Variants in PDZD2 observed in about 807,000 individuals in gnomAD.
PDZD2 encodes the protein PDZ domain containing 2, also known as PDZ domain-containing protein 2.
Under a neutral mutation model 220.7 loss-of-function variants are expected in PDZD2, and 90 were observed. The ratio of observed to expected loss-of-function variants is 0.41; its 90% CI spans 0.34 to 0.49. The LOEUF (loss-of-function observed/expected upper bound fraction) is 0.49, where lower values mean the gene tolerates loss of function less well. Ranked by LOEUF, PDZD2 falls within the 20% of genes least tolerant of loss-of-function variation. The probability of loss-of-function intolerance (pLI) is 0.28; values close to 1 mark genes in which losing one functional copy is unlikely to be tolerated. For missense variants in PDZD2, 3,174 were observed against 3,608.5 expected, an observed-to-expected ratio of 0.88 and a Z score of 3.08; for synonymous variants, 1,375 against 1,450.5, an observed-to-expected ratio of 0.95 and a Z score of 1.18.
At chr5:32,040,938 C>T (rs1209040353) in intron 7 of PDZD2, among the ~76,000 whole-genome samples, 1 of 141,456 alleles carries the variant, frequency 7.1e-6, no homozygotes, top group East Asian at 2.2e-4. Context: ...CGGCTGCCAC[C>T]CCATCTGGGA....
At chr5:32,086,811 G>T (rs1326094707) in intron 19 of PDZD2, among the ~76,000 whole-genome samples, 3 of 141,402 alleles carry the variant, frequency 2.1e-5, no homozygotes, top group Admixed American at 2.1e-4. Context: ...CAAGTAGCTG[G>T]GATTACAGGT....
chr5:32,088,536 C>T lies in PDZD2; in HGVS notation c.5088C>T (p.Thr1696=). Residue 1696 remains threonine, a synonymous_variant, in exon 20 of 25, where the codon ACC becomes ACT. Coordinates refer to ENST00000438447, the MANE Select transcript of PDZD2 (RefSeq NM_178140.4). The surrounding 1 kb of genome is among the most constrained non-coding windows in gnomAD (Gnocchi z 4.6). The stretch of plus-strand genomic sequence containing the variant: ...ACAGGCCCTCGTGTGCAGAAGAAAC[C>T]ACAGAAGTCACCAGCGCTAGCTCAG... ...QNHRPSCAEE[T]TEVTSASSAM... 1 of 1,614,048 alleles carries T rather than the reference C, an allele frequency of 6.2e-7. No individual in the cohort carries two copies. Among genetic ancestry groups the T allele is most frequent in the Non-Finnish European group, 8.5e-7 (1 of 1,179,932 alleles).
At chr5:31,896,989 C>G (rs1359793460) in intron 2 of PDZD2, among the ~76,000 whole-genome samples, 1 of 152,010 alleles carries the variant, frequency 6.6e-6, no homozygotes, top group African/African-American at 2.4e-5. Flanking sequence ...TATAGCAATA[C>G]TTTACAGCTG....
intron 2 of PDZD2, among the ~76,000 whole-genome samples, chr5:31,854,368 A>G (rs1200614884): frequency 6.6e-6 from 1 of 152,180 alleles, no homozygotes; most frequent in East Asian, 1.9e-4. Flanking sequence ...GGGAGAAGGT[A>G]TAAAGGAAAT....
intron 2 of PDZD2, among the ~76,000 whole-genome samples, chr5:31,869,215 C>G (rs1738514493): frequency 1.3e-5 from 2 of 152,184 alleles, no homozygotes; most frequent in Non-Finnish European, 2.9e-5. Context: ...TGGTGAGAGG[C>G]TGGACTTGGT....
chr5:31,755,862 G>A lies in PDZD2; in HGVS notation c.-360-43027G>A, dbSNP rs151076288. Among the ~76,000 whole-genome samples, 6 of 152,218 alleles carry A rather than the reference G, an allele frequency of 3.9e-5. No individual in the cohort carries two copies. In the East Asian group the frequency reaches 1.2e-3, roughly 29 times the overall value. The stretch of plus-strand genomic sequence containing the variant: ...GAGAGAGGAGGAGCGGGGCCAAGCA[G>A]CGGAGTAAAAGGCTATGTATTTACT... On this transcript the variant is annotated intron_variant, in intron 1 of 24. Transcript: ENST00000438447.
At chr5:31,672,955 T>C (rs184260049) in intron 1 of PDZD2, among the ~76,000 whole-genome samples, 25 of 152,358 alleles carry the variant, frequency 1.6e-4, no homozygotes, top group Admixed American at 1.4e-3. Context: ...CCCATTGTTA[T>C]TTTTAGCCAT....
intron 14 of PDZD2, among the ~76,000 whole-genome samples, chr5:32,066,215 C>T (rs1178962784): frequency 5.3e-5 from 8 of 151,360 alleles, no homozygotes; most frequent in South Asian, 2.1e-4. Context: ...TGTGGTGGTA[C>T]ATGCCTATAA....
chr5:32,068,265 C>T (rs893486157), intron 14 of PDZD2, among the ~76,000 whole-genome samples: 2 of 152,100 alleles, frequency 1.3e-5, no homozygotes, highest in African/African-American at 2.4e-5. Flanking sequence ...AAGGAAGATT[C>T]GGGAGCTGTT....
At chr5:31,912,036 CT>C (rs1743251966) in intron 2 of PDZD2, among the ~76,000 whole-genome samples, 1 of 152,212 alleles carries the variant, frequency 6.6e-6, no homozygotes, top group South Asian at 2.1e-4. Flanking sequence ...TTAATCCACC[CT>C]GGCCCCGGCC....
Position 31,816,149 on chromosome 5 carries a change from A to G in PDZD2, c.476+16425A>G, listed in dbSNP as rs1458968028. ...TAAAAATACAAAAAATTAGCTGGGCATGGTGGCAGGCGCCTGTAGTCCCAG... is the reference window on the plus strand; with the variant it reads ...TAAAAATACAAAAAATTAGCTGGGCGTGGTGGCAGGCGCCTGTAGTCCCAG... On this transcript the variant is annotated intron_variant, in intron 2 of 24. Coordinates refer to ENST00000438447, the MANE Select transcript of PDZD2 (RefSeq NM_178140.4). Among the ~76,000 whole-genome samples, 4 of 151,910 alleles carry G rather than the reference A, an allele frequency of 2.6e-5. No individual in the cohort carries two copies. In the South Asian group the frequency reaches 6.2e-4, roughly 24 times the overall value.
intron 15 of PDZD2, 137 bp downstream of exon 15, chr5:32,069,787 A>T: frequency 1.6e-6 from 1 of 613,418 alleles, no homozygotes; most frequent in Non-Finnish European, 3.0e-6. Flanking sequence ...AAGACAGTCT[A>T]TGCTTTCTCT....
chr5:32,035,922 C>T (rs1338861736), intron 6 of PDZD2, among the ~76,000 whole-genome samples: 1 of 152,102 alleles, frequency 6.6e-6, no homozygotes, highest in East Asian at 1.9e-4. Flanking sequence ...TTTTCATCAT[C>T]AACCTTTGTT....
intron 2 of PDZD2, among the ~76,000 whole-genome samples, chr5:31,834,797 T>C (rs1377252537): frequency 6.6e-6 from 1 of 151,988 alleles, no homozygotes; most frequent in Non-Finnish European, 1.5e-5. Context: ...GACAAGTTGA[T>C]GGGTGCAGCA....
At chr5:31,735,534 C>T (rs568093212) in intron 1 of PDZD2, among the ~76,000 whole-genome samples, 49 of 152,302 alleles carry the variant, frequency 3.2e-4, no homozygotes, top group African/African-American at 1.2e-3. Flanking sequence ...TGCAGTGGCT[C>T]ATGCCTGTAA....
chr5:31,725,268 G>A (rs1206198386), intron 1 of PDZD2, among the ~76,000 whole-genome samples: 1 of 151,330 alleles, frequency 6.6e-6, no homozygotes, highest in Non-Finnish European at 1.5e-5. Context: ...AACCCGAGAG[G>A]CGGAGGTTGT....
chr5:31,873,823 C>T (rs1170958347), intron 2 of PDZD2, among the ~76,000 whole-genome samples: 1 of 150,634 alleles, frequency 6.6e-6, no homozygotes, highest in African/African-American at 2.4e-5. Flanking sequence ...CTCCACCTCC[C>T]AGGTTCAAGC....
intron 6 of PDZD2, among the ~76,000 whole-genome samples, chr5:32,015,936 A>G (rs905273107): frequency 6.6e-6 from 1 of 152,250 alleles, no homozygotes; most frequent in African/African-American, 2.4e-5. Context: ...TAGCACATCA[A>G]TCAGGAGACC....
chr5:32,092,596 G>C (rs1380169944), intron 20 of PDZD2, among the ~76,000 whole-genome samples: 4 of 152,156 alleles, frequency 2.6e-5, no homozygotes, highest in African/African-American at 9.7e-5. Context: ...TATTTCACTT[G>C]AACATATGTA....
Sources: gnomAD v4.1 joint callset for allele counts (sites outside exome capture counted in the v4.1 genomes callset) on GRCh38, gnomAD v4.1.1 for gene constraint, Gnocchi (gnomAD v3.1) non-coding constraint, MANE v1.5 for transcripts, NCBI Gene and HGNC (gene_info 2026-07-23, HGNC 2026-07-21) for gene names.